Variants in CARD14 observed in about 807,000 individuals in gnomAD.
The protein encoded by CARD14 is caspase recruitment domain family member 14, also known as caspase recruitment domain-containing protein 14.
In CARD14, 107 loss-of-function variants were observed where a neutral mutation model predicts 111.5. The observed-to-expected ratio is 0.96, with a 90% CI of 0.82 to 1.13. CARD14 has a LOEUF of 1.13. Ranked by LOEUF, CARD14 falls within the 50% of genes most tolerant of loss-of-function variation. The probability of loss-of-function intolerance (pLI) is 0.00; values close to 1 mark genes in which losing one functional copy is unlikely to be tolerated. For synonymous variants in CARD14, 617 were observed against 579.6 expected, an observed-to-expected ratio of 1.06 and a Z score of -0.93; for missense variants, 1,322 against 1,362.3, an observed-to-expected ratio of 0.97 and a Z score of 0.47.
rs1210335881 is a variant in CARD14 at position 80,203,280 on chromosome 17, A to C, written c.2220-542A>C. On this transcript the variant is annotated intron_variant, in intron 18 of 23. Transcript: ENST00000648509. This position sits in a 1 kb window ranked among gnomAD's most constrained non-coding sequence, Gnocchi z 4.6. ...GTGAGACTCTGTCTCAAAAAAAAAA[A>C]AAAAGAAAAGGAAACCATTGTTCTA... The C allele has an allele frequency of 6.6e-6, 1 of 152,434 alleles. No homozygotes were observed. Among genetic ancestry groups the C allele is most frequent in the Non-Finnish European group, 1.5e-5 (1 of 68,358 alleles). 9.4% of individuals were successfully genotyped at this position (152,434 alleles called of 1,614,324 possible). A position where few individuals can be genotyped will look rare whatever the true frequency, so the allele number is the denominator to read the frequency against.
Position 80,201,628 on chromosome 17 carries a change from GT to G in CARD14, c.1852-115del. ...TTGTTTTGACCAAGGCGTGCAGGCA[GT>G]GGTCCTACGGCAGGGCTGGCCCGCG... is the stretch of plus-strand genomic sequence containing the variant. On this transcript the variant is annotated intron_variant, in intron 16 of 23. Transcript: ENST00000648509. The surrounding 1 kb of genome is among the most constrained non-coding windows in gnomAD (Gnocchi z 5.0). The G allele has an allele frequency of 9.5e-7, 1 of 1,056,190 alleles. No homozygotes were observed. The highest frequency in any genetic ancestry group is 1.3e-5 in the South Asian group (1 of 77,100). The allele number at this position is 1,056,190 out of a possible 1,614,324, so 65.4% of individuals were successfully genotyped here. A position where few individuals can be genotyped will look rare whatever the true frequency, so the allele number is the denominator to read the frequency against.
At chr17:80,180,867 A>G (rs1458013481) in intron 4 of CARD14, among the ~76,000 whole-genome samples, 3 of 152,134 alleles carry the variant, frequency 2.0e-5, no homozygotes, top group Non-Finnish European at 4.4e-5. Flanking sequence ...GGCTCAAGTG[A>G]TCCTCCTGCC....
chr17:80,173,140 A>G lies in CARD14; in HGVS notation c.-455A>G, dbSNP rs1166199678. On this transcript the variant is annotated 5_prime_UTR_variant, in exon 2 of 24. Transcript: ENST00000648509. ...GTGATCTGCCTGCCTCAGCCTCTGA[A>G]AGTGCTGGATTGCAGGCGTGAGCCA... 2 of 153,458 alleles carry G rather than the reference A, an allele frequency of 1.3e-5. No homozygotes were observed. Among genetic ancestry groups the G allele is most frequent in the Non-Finnish European group, 2.9e-5 (2 of 68,002 alleles). 9.5% of individuals were successfully genotyped at this position (153,458 alleles called of 1,614,324 possible).
chr17:80,208,159 C>A lies in CARD14; in HGVS notation c.2829C>A (p.Gly943=). 6.5e-7 allele frequency: 1 copy of A among 1,544,862 alleles called. No homozygotes were observed. Among genetic ancestry groups the A allele is most frequent in the Non-Finnish European group, 8.7e-7 (1 of 1,143,766 alleles). Residue 943 remains glycine (G), a synonymous_variant, in exon 24 of 24, where the codon GGC becomes GGA. Coordinates refer to ENST00000648509, the MANE Select transcript of CARD14 (RefSeq NM_001366385.1). ...KKLKKGLQRL[G]TSEEQLLEAA... is the part of the protein sequence containing the mutation. ...GCAGGAAGGGCCTACAGCGGTTGGGCACCTCAGAGGAGCAGCTCCTGGAGG... is the reference window on the plus strand; with the variant it reads ...GCAGGAAGGGCCTACAGCGGTTGGGAACCTCAGAGGAGCAGCTCCTGGAGG...
In CARD14 at chr17:80,179,188, G is replaced by T. The variant is rs2040094756; in HGVS notation, c.-134G>T. ...AAAGAATCAAGTCACAGGAATTCAT[G>T]GGTCTGTAAGGAATCGCTCCCATCT... On this transcript the variant is annotated 5_prime_UTR_variant, in exon 4 of 24. An upstream start codon of the reference 5' UTR is lost. Coordinates refer to ENST00000648509, the MANE Select transcript of CARD14 (RefSeq NM_001366385.1). 6.6e-6 allele frequency: 1 copy of T among 152,264 alleles called. No individual in the cohort carries two copies. Among genetic ancestry groups the T allele is most frequent in the Non-Finnish European group, 1.5e-5 (1 of 68,060 alleles). The allele number at this position is 152,264 out of a possible 1,614,324, so 9.4% of individuals were successfully genotyped here.
At chr17:80,172,649 C>T (rs2039928659) in intron 1 of CARD14, among the ~76,000 whole-genome samples, 2 of 152,034 alleles carry the variant, frequency 1.3e-5, no homozygotes, top group Admixed American at 6.6e-5. Flanking sequence ...CCCCCTAAAC[C>T]GAGTCTGTAT....
In CARD14 at chr17:80,189,782, G is replaced by A. The variant is rs1567878836; in HGVS notation, c.873G>A (p.Leu291=). The change falls in exon 9 of 24, where the codon CTG becomes CTA. Residue 291 remains leucine (L), a synonymous_variant. Transcript: ENST00000648509. The surrounding 1 kb of genome is among the most constrained non-coding windows in gnomAD (Gnocchi z 4.7). ...AGAAGGACATTCTGGAGCAGAGCCTGGACGAGGCGCGGGGGAGCCGACAGG... is the reference window on the plus strand; with the variant it reads ...AGAAGGACATTCTGGAGCAGAGCCTAGACGAGGCGCGGGGGAGCCGACAGG... ...LAEKDILEQS[L]DEARGSRQEL... 1 of 1,587,270 alleles carries A rather than the reference G, an allele frequency of 6.3e-7. No individual in the cohort carries two copies. The highest frequency in any genetic ancestry group is 1.8e-5 in the Admixed American group (1 of 54,098).
Position 80,188,790 on chromosome 17 carries a change from C to G in CARD14, c.843+246C>G. ...CTGGAACTGGGCACAGTGGCTCATT[C>G]CTGTAATCCCAGCACTTGGGAGGCC... On this transcript the variant is annotated intron_variant, in intron 8 of 23. Coordinates refer to ENST00000648509, the MANE Select transcript of CARD14 (RefSeq NM_001366385.1). The surrounding 1 kb of genome is among the most constrained non-coding windows in gnomAD (Gnocchi z 4.5). 3.4e-6 allele frequency: 1 copy of G among 295,412 alleles called. No homozygotes were observed. Among genetic ancestry groups the G allele is most frequent in the Non-Finnish European group, 6.1e-6 (1 of 163,736 alleles). The allele number at this position is 295,412 out of a possible 1,614,324, so 18.3% of individuals were successfully genotyped here.
At chr17:80,173,479 A>G (rs1433466525) in intron 2 of CARD14, among the ~76,000 whole-genome samples, 1 of 152,042 alleles carries the variant, frequency 6.6e-6, no homozygotes, top group African/African-American at 2.4e-5. Context: ...TAAACTTTTA[A>G]TTTTACTTAA....
At chr17:80,172,829 A>G (rs1355700157) in intron 1 of CARD14, 77 bp from the exon 2 acceptor site, 3 of 142,328 alleles carry the variant, frequency 2.1e-5, no homozygotes, top group South Asian at 4.5e-4. Context: ...TAAAATAATG[A>G]CTATGGTTTT....
In CARD14 at chr17:80,184,005, G is replaced by C. The variant is rs1266029069; in HGVS notation, c.442G>C (p.Val148Leu). The C allele has an allele frequency of 6.3e-7, 1 of 1,589,764 alleles. No individual in the cohort carries two copies. Among genetic ancestry groups the C allele is most frequent in the Non-Finnish European group, 8.6e-7 (1 of 1,167,078 alleles). Residue 148 changes from valine (V) to leucine (L), a missense_variant, in exon 7 of 24, where the codon GTG becomes CTG. Physicochemically the swap from Val to Leu is conservative, Grantham distance 32. Transcript: ENST00000648509. ...GAACCAGGAAAAGGGGCAGAAGGAGGTGCTGCTGCGGCGGTGCCAGCAGCT... is the reference window on the plus strand; with the variant it reads ...GAACCAGGAAAAGGGGCAGAAGGAGCTGCTGCTGCGGCGGTGCCAGCAGCT... ...ELNQEKGQKE[V>L]LLRRCQQLQE...
intron 2 of CARD14, among the ~76,000 whole-genome samples, chr17:80,175,793 G>A (rs12952499): frequency 0.27 from 41,474 of 151,478 alleles, 5,851 homozygotes; most frequent in Middle Eastern, 0.35. Context: ...AGTGGGTGCC[G>A]GTGTCCCACG....
rs748315074 is a variant in CARD14 at position 80,181,492 on chromosome 17, A to G, written c.54A>G (p.Thr18=). 2 of 1,589,340 alleles carry G rather than the reference A, an allele frequency of 1.3e-6. No homozygotes were observed. Among genetic ancestry groups the G allele is most frequent in the South Asian group, 1.1e-5 (1 of 87,524 alleles). ...CACTCACGGCACTGGACGAGGAGAC[A>G]CTGTGGGAGATGATGGAGAGCCACC... is the stretch of plus-strand genomic sequence containing the variant. ...DSALTALDEE[T]LWEMMESHRH... is the part of the protein sequence containing the mutation. Residue 18 remains threonine, a synonymous_variant, in exon 5 of 24, where the codon ACA becomes ACG. Coordinates refer to ENST00000648509, the MANE Select transcript of CARD14 (RefSeq NM_001366385.1).
rs147592804 is a variant in CARD14 at position 80,205,119 on chromosome 17, G to A, written c.2483G>A (p.Arg828Gln). ...CGGCCCCATCGACCCGCCCGGCCCCGGCCTGTGCTCCTCGTGCCCAGGGCG... is the reference window on the plus strand; with the variant it reads ...CGGCCCCATCGACCCGCCCGGCCCCAGCCTGTGCTCCTCGTGCCCAGGGCG... ...LVRPHRPARP[R>Q]PVLLVPRAVG... is the part of the protein sequence containing the mutation. Residue 828 changes from arginine (R) to glutamine (Q), a missense_variant, in exon 21 of 24, where the codon CGG becomes CAG. Transcript: ENST00000648509. 38 of 1,613,704 alleles carry A rather than the reference G, an allele frequency of 2.4e-5. No individual in the cohort carries two copies. In the Admixed American group the frequency reaches 3.2e-4, roughly 13 times the overall value.
chr17:80,203,381 C>T lies in CARD14; in HGVS notation c.2220-441C>T, dbSNP rs2041095688. The T allele has an allele frequency of 5.9e-6, 1 of 168,790 alleles. No homozygotes were observed. Among genetic ancestry groups the T allele is most frequent in the Non-Finnish European group, 1.3e-5 (1 of 79,258 alleles). 10.5% of individuals were successfully genotyped at this position (168,790 alleles called of 1,614,324 possible). A position where few individuals can be genotyped will look rare whatever the true frequency, so the allele number is the denominator to read the frequency against. ...TAGAAAGCAGGAGTGTTGAGCTCAG[C>T]ACCCCCATCACTCATTGCAAACTCA... is the stretch of plus-strand genomic sequence containing the variant. On this transcript the variant is annotated intron_variant, in intron 18 of 23. Coordinates refer to ENST00000648509, the MANE Select transcript of CARD14 (RefSeq NM_001366385.1). This position sits in a 1 kb window ranked among gnomAD's most constrained non-coding sequence, Gnocchi z 4.6.
chr17:80,191,258 CCTT>C (rs1199137892), intron 10 of CARD14, 62 bp from the exon 11 acceptor site: 6 of 1,574,506 alleles, frequency 3.8e-6, no homozygotes, highest in East Asian at 2.3e-5. Context: ...ACAGGGCTCT[CCTT>C]CTCTAGCTGA....
Position 80,205,613 on chromosome 17 carries a change from C to A in CARD14, c.2652C>A (p.Cys884Ter). 1 of 1,512,900 alleles carries A rather than the reference C, an allele frequency of 6.6e-7. No homozygotes were observed. Among genetic ancestry groups the A allele is most frequent in the Non-Finnish European group, 8.9e-7 (1 of 1,122,954 alleles). The allele number at this position is 1,512,900 out of a possible 1,614,324, so 93.7% of individuals were successfully genotyped here. A position where few individuals can be genotyped will look rare whatever the true frequency, so the allele number is the denominator to read the frequency against. Reference sequence around the variant, plus strand: ...AGGGAGAGGTGTCCGGGGGCCGCTGCTGGGTGACCCGCCATGCTGTGGAGT... The same window carrying A: ...AGGGAGAGGTGTCCGGGGGCCGCTGATGGGTGACCCGCCATGCTGTGGAGT... ...IQEGEVSGGRCWVTRHAVESL... is the reference protein window; with the variant it reads ...IQEGEVSGGR The change falls in exon 22 of 24, where the codon TGC (cysteine) becomes TGA (stop). Residue 884 changes from cysteine to a stop codon, truncating the protein, a stop_gained. Transcript: ENST00000648509. LOFTEE classifies it high-confidence loss of function.
chr17:80,194,897 T>A (rs1411744533), intron 12 of CARD14, among the ~76,000 whole-genome samples: 4 of 152,186 alleles, frequency 2.6e-5, no homozygotes, highest in Admixed American at 6.5e-5. Context: ...TCACTTTACA[T>A]GTAAAATGGG....
chr17:80,184,112 G>T lies in CARD14; in HGVS notation c.549G>T (p.Glu183Asp). Residue 183 changes from glutamate to aspartate, a missense_variant, in exon 7 of 24, where the codon GAG (glutamate) becomes GAT (aspartate). Transcript: ENST00000648509. ...CTGACCACAGCCGCATGAAGCGTGA[G>T]GTTAGCGCACACTTCCATGAGGTGC... ...LEADHSRMKR[E>D]VSAHFHEVLR... 6.3e-7 allele frequency: 1 copy of T among 1,577,738 alleles called. No individual in the cohort carries two copies. The highest frequency in any genetic ancestry group is 2.3e-5 in the East Asian group (1 of 42,930).
Sources: allele counts gnomAD v4.1 joint callset (sites outside exome capture counted in the v4.1 genomes callset), GRCh38; gene constraint gnomAD v4.1.1; non-coding constraint Gnocchi (gnomAD v3.1); transcripts MANE v1.5; gene names NCBI Gene and HGNC (gene_info 2026-07-23, HGNC 2026-07-21).